RPH3A: variants seen among roughly 807,000 people sequenced by gnomAD.
RPH3A encodes rabphilin 3A.
In RPH3A, 48 loss-of-function variants were observed where a neutral mutation model predicts 102.2. The ratio of observed to expected loss-of-function variants is 0.47; its 90% CI spans 0.37 to 0.60. The LOEUF is 0.60. Among genes scored for constraint, RPH3A ranks in the 20% least tolerant of loss-of-function variants. The pLI, the probability that RPH3A is intolerant of heterozygous loss-of-function variation, is 0.00. For synonymous variants in RPH3A, 310 were observed against 324.3 expected (o/e 0.96, Z 0.47); for missense variants, 781 against 910.1 (o/e 0.86, Z 1.83).
In RPH3A at chr12:112,897,654, C is replaced by G. The variant is rs1000898499; in HGVS notation, c.*874C>G. ...AAAAGTGTATGTTAACCTAGCCTCA[C>G]CCCCTTGCTCTCACCAGCCTGACCA... On this transcript the variant is annotated 3_prime_UTR_variant, in exon 22 of 22. Coordinates refer to ENST00000389385, the MANE Select transcript of RPH3A (RefSeq NM_001143854.2). 6.6e-6 allele frequency: 1 copy of G among 152,388 alleles called. No homozygotes were observed. Among genetic ancestry groups the G allele is most frequent in the Non-Finnish European group, 1.5e-5 (1 of 68,152 alleles). 9.4% of individuals were successfully genotyped at this position (152,388 alleles called of 1,614,324 possible). A position where few individuals can be genotyped will look rare whatever the true frequency, so the allele number is the denominator to read the frequency against.
chr12:112,771,391 C>T (rs559483436), intron 1 of RPH3A, among the ~76,000 whole-genome samples: 53 of 152,262 alleles, frequency 3.5e-4, no homozygotes, highest in Middle Eastern at 6.8e-3. Flanking sequence ...TTTAAACTTG[C>T]CTCATTTATT....
At chr12:112,774,634 G>A (rs952262933) in intron 1 of RPH3A, among the ~76,000 whole-genome samples, 4 of 152,184 alleles carry the variant, frequency 2.6e-5, no homozygotes, top group African/African-American at 9.7e-5. Flanking sequence ...TTTGCACATG[G>A]ATGAAGCTGG....
At position 112,890,057 on chromosome 12, in the gene RPH3A, G is replaced by A; in HGVS notation, c.1597G>A (p.Gly533Ser). Reference protein sequence around the residue: ...KRAGTTGSARGMALYEEEQVE... With the variant: ...KRAGTTGSARSMALYEEEQVE... ...TGCTGGGACCACCGGGTCAGCCCGAGGCATGGCCCTTTATGAGGAAGAGGT... is the reference window on the plus strand; with the variant it reads ...TGCTGGGACCACCGGGTCAGCCCGAAGCATGGCCCTTTATGAGGAAGAGGT... The change falls in exon 18 of 22, where the codon GGC becomes AGC. Residue 533 changes from glycine to serine, a missense_variant. Gly to Ser is a moderately conservative substitution (Grantham distance 56). Transcript: ENST00000389385. The A allele has an allele frequency of 1.2e-6, 2 of 1,613,736 alleles. No homozygotes were observed. Among genetic ancestry groups the A allele is most frequent in the Admixed American group, 1.7e-5 (1 of 60,030 alleles).
chr12:112,865,828 A>G (rs922406599), intron 6 of RPH3A, among the ~76,000 whole-genome samples: 1 of 152,144 alleles, frequency 6.6e-6, no homozygotes, highest in African/African-American at 2.4e-5. Context: ...GCAATGATTG[A>G]GCCTGCAGAT....
At chr12:112,657,554 C>T (rs752386938) in intron 1 of RPH3A, among the ~76,000 whole-genome samples, 23 of 151,908 alleles carry the variant, frequency 1.5e-4, no homozygotes, top group Non-Finnish European at 2.1e-4. Context: ...ATGAGTAATG[C>T]GTTATGCTAT....
chr12:112,631,381 G>C (rs1006021054), intron 1 of RPH3A, among the ~76,000 whole-genome samples: 2 of 152,130 alleles, frequency 1.3e-5, no homozygotes, highest in African/African-American at 4.8e-5. Context: ...AGGAATGGAT[G>C]CCCTCTTTGG....
intron 1 of RPH3A, among the ~76,000 whole-genome samples, chr12:112,753,579 T>C (rs2136062379): frequency 6.6e-6 from 1 of 152,306 alleles, no homozygotes; most frequent in Non-Finnish European, 1.5e-5. Context: ...AAAAATAAAG[T>C]ATTATTCCTG....
chr12:112,844,348 T>C (rs866601123), intron 4 of RPH3A, among the ~76,000 whole-genome samples: 19 of 152,190 alleles, frequency 1.2e-4, no homozygotes, highest in African/African-American at 4.6e-4. Flanking sequence ...TTAGGAAATG[T>C]AGGCAGCCTC....
At chr12:112,850,911 T>C (rs1369611043) in intron 5 of RPH3A, 9 of 152,186 alleles carry the variant, frequency 5.9e-5, no homozygotes, top group Admixed American at 5.9e-4. Flanking sequence ...TTTGGGGGTG[T>C]CTGGTGAGGG....
At chr12:112,847,942 C>T in intron 5 of RPH3A, 100 bp downstream of exon 5, 1 of 1,364,782 alleles carries the variant, frequency 7.3e-7, no homozygotes, top group Non-Finnish European at 1.0e-6. Context: ...TGCTGGGCTG[C>T]CTCTGGGCTT....
At chr12:112,775,975 CAG>C (rs201787755) in intron 1 of RPH3A, among the ~76,000 whole-genome samples, 3,125 of 151,880 alleles carry the variant, frequency 0.021, 50 homozygotes, top group Middle Eastern at 0.031. Flanking sequence ...GAGTAGAAGT[CAG>C]GGGTGAGGGA....
At chr12:112,691,687 C>T (rs1254716023) in intron 1 of RPH3A, among the ~76,000 whole-genome samples, 2 of 152,174 alleles carry the variant, frequency 1.3e-5, no homozygotes, top group Non-Finnish European at 1.5e-5. Context: ...GAGAATAACT[C>T]TACTTGCCTT....
At chr12:112,770,762 C>G (rs1162405802) in intron 1 of RPH3A, among the ~76,000 whole-genome samples, 1 of 152,098 alleles carries the variant, frequency 6.6e-6, no homozygotes, top group Non-Finnish European at 1.5e-5. Flanking sequence ...AAAGAAACAA[C>G]AGTTTGGCAG....
intron 1 of RPH3A, among the ~76,000 whole-genome samples, chr12:112,614,201 C>T (rs1265731682): frequency 1.3e-5 from 2 of 152,084 alleles, no homozygotes; most frequent in South Asian, 2.1e-4. Flanking sequence ...AATAAATTTG[C>T]ATTGTTGAAA....
chr12:112,697,617 C>A (rs928513901), intron 1 of RPH3A, among the ~76,000 whole-genome samples: 35 of 152,168 alleles, frequency 2.3e-4, no homozygotes, highest in Non-Finnish European at 4.1e-4. Context: ...TGAATCCCAT[C>A]ACTTTGGGAG....
chr12:112,877,013 G>A (rs1200698675), intron 13 of RPH3A, 147 bp downstream of exon 13: 4 of 508,446 alleles, frequency 7.9e-6, no homozygotes, highest in Non-Finnish European at 1.0e-5. Context: ...AGTGATAGAA[G>A]TACAGATTTG....
intron 1 of RPH3A, among the ~76,000 whole-genome samples, chr12:112,642,050 G>T (rs2039894596): frequency 6.6e-6 from 1 of 152,202 alleles, no homozygotes; most frequent in African/African-American, 2.4e-5. Flanking sequence ...ACTCCTGAGT[G>T]CAGGCTATTC....
chr12:112,858,799 C>A (rs1043057359), intron 5 of RPH3A, among the ~76,000 whole-genome samples: 1 of 152,212 alleles, frequency 6.6e-6, no homozygotes, highest in Non-Finnish European at 1.5e-5. Flanking sequence ...TGGGAACCTG[C>A]TTCTCACCAC....
In RPH3A at chr12:112,824,202, G is replaced by A. The variant is rs1470266326; in HGVS notation, c.-18-4099G>A. On this transcript the variant is annotated intron_variant, in intron 2 of 21. Coordinates refer to ENST00000389385, the MANE Select transcript of RPH3A (RefSeq NM_001143854.2). ...CTGGCCTCAGCCCAATCCTCAGGGAGCTCTGGAGTGTGATGGCAGCACACA... is the reference window on the plus strand; with the variant it reads ...CTGGCCTCAGCCCAATCCTCAGGGAACTCTGGAGTGTGATGGCAGCACACA... 4.4e-4 allele frequency among the ~76,000 whole-genome samples: 67 copies of A among 152,224 alleles called. 2 individuals are homozygous for A. Among genetic ancestry groups the A allele is most frequent in the Admixed American group, 4.3e-3 (66 of 15,290 alleles).
Sources: allele counts gnomAD v4.1 joint callset (sites outside exome capture counted in the v4.1 genomes callset), GRCh38; gene constraint gnomAD v4.1.1; transcripts MANE v1.5; gene names NCBI Gene and HGNC (gene_info 2026-07-23, HGNC 2026-07-21).